The following ARSB variants were observed in gnomAD, a reference collection of about 807,000 sequenced individuals.
ARSB encodes arylsulfatase B.
Under a neutral mutation model 50.9 loss-of-function variants are expected in ARSB, and 41 were observed. That is an observed-to-expected ratio of 0.81 (90% CI 0.63 to 1.04). The LOEUF is 1.04. Among genes scored for constraint, ARSB ranks in the 50% least tolerant of loss-of-function variants. ARSB has a pLI of 0.00. For synonymous variants in ARSB, 269 were observed against 284.8 expected, an observed-to-expected ratio of 0.94 and a Z score of 0.56; for missense variants, 672 against 693.3, an observed-to-expected ratio of 0.97 and a Z score of 0.35.
chr5:78,834,275 A>G (rs1458229642), intron 6 of ARSB, among the ~76,000 whole-genome samples: 1 of 152,106 alleles, frequency 6.6e-6, no homozygotes, highest in East Asian at 1.9e-4. Flanking sequence ...AATACAAACA[A>G]CATAAAATTT....
chr5:78,781,724 C>A, intron 7 of ARSB, 128 bp downstream of exon 7: 1 of 1,408,528 alleles, frequency 7.1e-7, no homozygotes, highest in Admixed American at 1.8e-5. Flanking sequence ...ATAATGTCCT[C>A]TCTTTCCAGA....
At position 78,937,996 on chromosome 5, in the gene ARSB, A is replaced by C. The variant is rs1750718376; in HGVS notation, c.898+17299T>G. 3.3e-5 allele frequency among the ~76,000 whole-genome samples: 5 copies of C among 152,316 alleles called. No individual in the cohort carries two copies. The South Asian group carries it at 1.0e-3, about 32-fold the overall frequency. On this transcript the variant is annotated intron_variant, in intron 4 of 7. Transcript: ENST00000264914. ...CTACACCCCCCACCCACTGTGGCCC[A>C]ACTCATGGTTTCTACACTGGAAAAA...
intron 3 of ARSB, among the ~76,000 whole-genome samples, chr5:78,958,446 T>C (rs1751832366): frequency 6.6e-6 from 1 of 152,120 alleles, no homozygotes. Flanking sequence ...AAAAAAAGAT[T>C]TGGGGATCAT....
chr5:78,858,501 T>A (rs1746266214), intron 5 of ARSB, among the ~76,000 whole-genome samples: 1 of 152,184 alleles, frequency 6.6e-6, no homozygotes, highest in Non-Finnish European at 1.5e-5. Context: ...ATAAATAGTT[T>A]CCAGTTTTTG....
chr5:78,892,696 GA>G (rs1370391264), intron 4 of ARSB, among the ~76,000 whole-genome samples: 1 of 152,040 alleles, frequency 6.6e-6, no homozygotes, highest in Admixed American at 6.5e-5. Context: ...AATTATCATA[GA>G]AAAAAACACT....
intron 6 of ARSB, among the ~76,000 whole-genome samples, chr5:78,833,131 G>C (rs190365209): frequency 1.9e-4 from 29 of 152,288 alleles, no homozygotes; most frequent in African/African-American, 6.7e-4. Flanking sequence ...GGGCCTTGCA[G>C]GAGTGTGGAA....
chr5:78,888,689 C>T (rs902122598), intron 4 of ARSB, among the ~76,000 whole-genome samples: 3 of 152,110 alleles, frequency 2.0e-5, no homozygotes, highest in African/African-American at 4.8e-5. Flanking sequence ...GATCTGGAAT[C>T]TGATTCTAGG....
At chr5:78,984,745 A>G (rs1753073900) in intron 1 of ARSB, among the ~76,000 whole-genome samples, 192 bp downstream of exon 1, 1 of 151,936 alleles carries the variant, frequency 6.6e-6, no homozygotes, top group South Asian at 2.1e-4. Flanking sequence ...AGAGCCGGGC[A>G]TGCGCAGAGG....
At chr5:78,983,512 C>CCTT (rs898302489) in intron 1 of ARSB, among the ~76,000 whole-genome samples, 1 of 151,830 alleles carries the variant, frequency 6.6e-6, no homozygotes, top group Middle Eastern at 3.2e-3. Context: ...CTCACCTTTC[C>CCTT]CTTCTTCTTC....
chr5:78,858,317 A>C (rs1384243394), intron 5 of ARSB, among the ~76,000 whole-genome samples: 1 of 152,188 alleles, frequency 6.6e-6, no homozygotes, highest in African/African-American at 2.4e-5. Context: ...GTCTCTGATG[A>C]TATTTTCAGT....
chr5:78,864,723 A>T (rs545728233), intron 5 of ARSB, among the ~76,000 whole-genome samples: 26 of 152,258 alleles, frequency 1.7e-4, no homozygotes, highest in Non-Finnish European at 3.1e-4. Flanking sequence ...AGCCTGTAAA[A>T]TCAAAAGCAA....
intron 5 of ARSB, among the ~76,000 whole-genome samples, chr5:78,872,141 G>T (rs969721513): frequency 2.7e-5 from 4 of 147,654 alleles, no homozygotes; most frequent in African/African-American, 9.8e-5. Flanking sequence ...AGTTAGAACG[G>T]TAATCATTAA....
At chr5:78,947,976 G>T (rs1010696127) in intron 4 of ARSB, among the ~76,000 whole-genome samples, 1 of 152,096 alleles carries the variant, frequency 6.6e-6, no homozygotes, top group East Asian at 1.9e-4. Flanking sequence ...GATCAACCAC[G>T]TGCAACAACA....
At chr5:78,805,760 C>G (rs377566216) in intron 6 of ARSB, among the ~76,000 whole-genome samples, 10 of 152,226 alleles carry the variant, frequency 6.6e-5, no homozygotes, top group African/African-American at 1.9e-4. Flanking sequence ...TTATCATCGA[C>G]TGAGCAGCCG....
chr5:78,936,129 C>CTTT lies in ARSB; in HGVS notation c.898+19163_898+19165dup, dbSNP rs56884992. Among the ~76,000 whole-genome samples, 587 of 88,934 alleles carry CTTT rather than the reference C, an allele frequency of 6.6e-3. 22 individuals carry two copies. The highest frequency in any genetic ancestry group is 0.026 in the African/African-American group (544 of 20,650). 58.3% of individuals were successfully genotyped at this position (88,934 alleles called of 152,430 possible). On this transcript the variant is annotated intron_variant, in intron 4 of 7. Coordinates refer to ENST00000264914, the MANE Select transcript of ARSB (RefSeq NM_000046.5). The stretch of plus-strand genomic sequence containing the variant: ...CCTCCATCCCTTCCTCTCTCTCTCT[C>CTTT]TTTTTTTTTTTTTTTGGTGGATTCT...
At chr5:78,796,472 A>G (rs1342332641) in intron 6 of ARSB, among the ~76,000 whole-genome samples, 1 of 152,258 alleles carries the variant, frequency 6.6e-6, no homozygotes, top group Non-Finnish European at 1.5e-5. Flanking sequence ...GCAATAGGTA[A>G]AGAAAGAGTG....
chr5:78,828,075 A>T (rs1744510386), intron 6 of ARSB, among the ~76,000 whole-genome samples: 2 of 152,156 alleles, frequency 1.3e-5, no homozygotes, highest in Admixed American at 1.3e-4. Flanking sequence ...TTACACTGAT[A>T]AAGAGTATAA....
At chr5:78,781,240 G>A (rs774696256) in intron 7 of ARSB, among the ~76,000 whole-genome samples, 14 of 149,830 alleles carry the variant, frequency 9.3e-5, no homozygotes, top group African/African-American at 2.5e-4. Context: ...TTTAAAATCC[G>A]TATTTTCCAT....
At position 78,786,115 on chromosome 5, in the gene ARSB, C is replaced by A. The variant is rs138663432; in HGVS notation, c.1214-4141G>T. Among the ~76,000 whole-genome samples, 463 of 152,238 alleles carry A rather than the reference C, an allele frequency of 3.0e-3. 2 individuals are homozygous for A. Among genetic ancestry groups the A allele is most frequent in the African/African-American group, 0.011 (444 of 41,546 alleles). On this transcript the variant is annotated intron_variant, in intron 6 of 7. Transcript: ENST00000264914. The stretch of plus-strand genomic sequence containing the variant: ...ATATTTTAGAACATTTTTATCACCC[C>A]AGAAAGAAACCCTGCACCATTGGCA...
Sources: allele counts gnomAD v4.1 joint callset (sites outside exome capture counted in the v4.1 genomes callset), GRCh38; gene constraint gnomAD v4.1.1; transcripts MANE v1.5; gene names NCBI Gene and HGNC (gene_info 2026-07-23, HGNC 2026-07-21).